Variants in SEZ6L observed in about 807,000 individuals in gnomAD.
SEZ6L encodes seizure related 6 homolog like, also known as seizure 6-like protein.
In SEZ6L, 37 loss-of-function variants were observed where a neutral mutation model predicts 106.2. The observed-to-expected ratio is 0.35, with a 90% CI of 0.27 to 0.46. The LOEUF is 0.46. SEZ6L is among the 20% of genes least tolerant of loss of function. SEZ6L has a pLI of 1.00. For missense variants in SEZ6L, 1,172 were observed against 1,332.8 expected (o/e 0.88, Z 1.88); for synonymous variants, 541 against 570.4 (o/e 0.95, Z 0.73).
intron 1 of SEZ6L, among the ~76,000 whole-genome samples, chr22:26,210,792 G>A (rs138765500): frequency 8.1e-4 from 124 of 152,210 alleles, no homozygotes; most frequent in African/African-American, 2.8e-3. Flanking sequence ...ATGCATTTTC[G>A]GGTTTGGCCT....
intron 1 of SEZ6L, among the ~76,000 whole-genome samples, chr22:26,285,280 A>T (rs2080900630): frequency 2.0e-5 from 3 of 152,234 alleles, no homozygotes; most frequent in Admixed American, 2.0e-4. Flanking sequence ...TGGATAAATG[A>T]AGTGATGATC....
chr22:26,344,164 A>G (rs1295457458), intron 10 of SEZ6L, among the ~76,000 whole-genome samples: 5 of 152,220 alleles, frequency 3.3e-5, no homozygotes, highest in Non-Finnish European at 7.3e-5. Flanking sequence ...GAAGGTGGCC[A>G]AAGTTTATCT....
chr22:26,215,933 A>T (rs1034734514), intron 1 of SEZ6L, among the ~76,000 whole-genome samples: 3 of 152,210 alleles, frequency 2.0e-5, no homozygotes, highest in Non-Finnish European at 4.4e-5. Flanking sequence ...CAAGGCACTG[A>T]ATCATCCCAG....
At chr22:26,259,964 T>C (rs181000499) in intron 1 of SEZ6L, among the ~76,000 whole-genome samples, 1 of 152,324 alleles carries the variant, frequency 6.6e-6, no homozygotes, top group Admixed American at 6.5e-5. Context: ...TGATTTTCCC[T>C]CTGGGAACTT....
At chr22:26,283,008 C>T (rs986737558) in intron 1 of SEZ6L, among the ~76,000 whole-genome samples, 1 of 152,136 alleles carries the variant, frequency 6.6e-6, no homozygotes, top group African/African-American at 2.4e-5. Flanking sequence ...GCAACCTCCA[C>T]CTCCCGGGTT....
At chr22:26,291,622 T>C (rs981622658) in intron 1 of SEZ6L, among the ~76,000 whole-genome samples, 3 of 151,746 alleles carry the variant, frequency 2.0e-5, no homozygotes, top group Non-Finnish European at 4.4e-5. Flanking sequence ...TTAAAAAAAC[T>C]CTCCTCCCCC....
At chr22:26,337,882 G>A (rs182040387) in intron 9 of SEZ6L, among the ~76,000 whole-genome samples, 146 of 152,326 alleles carry the variant, frequency 9.6e-4, no homozygotes, top group Non-Finnish European at 6.8e-4. Context: ...CGAGAGGTAT[G>A]GTGGAAGGTA....
rs375944877 is a variant in SEZ6L, at chr22:26,292,452, G to C, written c.141G>C (p.Leu47=). ...GDASPLGPYL[L]PSGAPERGSP... ...CTAGCCCTTTGGGTCCTTACCTCCT[G>C]CCCTCAGGAGCCCCGGAGAGAGGCA... The change falls in exon 2 of 17, where the codon CTG becomes CTC. Residue 47 remains leucine, a synonymous_variant. Transcript: ENST00000248933. 1 of 1,613,926 alleles carries C rather than the reference G, an allele frequency of 6.2e-7. No homozygotes were observed. The highest frequency in any genetic ancestry group is 8.5e-7 in the Non-Finnish European group (1 of 1,179,920).
chr22:26,343,766 T>C (rs113460254), intron 10 of SEZ6L, among the ~76,000 whole-genome samples: 3,621 of 152,288 alleles, frequency 0.024, 63 homozygotes, highest in Non-Finnish European at 0.037. Context: ...TTGGCTAGTT[T>C]GGGTAACAAA....
intron 1 of SEZ6L, among the ~76,000 whole-genome samples, chr22:26,245,825 T>C (rs906131533): frequency 1.3e-5 from 2 of 152,198 alleles, no homozygotes; most frequent in Non-Finnish European, 2.9e-5. Context: ...GTTGTTGTTG[T>C]TGCTGCTACT....
chr22:26,172,957 G>A (rs1414439657), intron 1 of SEZ6L, among the ~76,000 whole-genome samples: 1 of 152,190 alleles, frequency 6.6e-6, no homozygotes, highest in Non-Finnish European at 1.5e-5. Flanking sequence ...ACTGAACTGG[G>A]CACTGGAATT....
At position 26,249,212 on chromosome 22, in the gene SEZ6L, A is replaced by G. The variant is rs368766585; in HGVS notation, c.95-43194A>G. 1.5e-4 allele frequency among the ~76,000 whole-genome samples: 23 copies of G among 152,320 alleles called. No homozygotes were observed. In the South Asian group the frequency reaches 2.1e-3, roughly 14 times the overall value. On this transcript the variant is annotated intron_variant, in intron 1 of 16. Coordinates refer to ENST00000248933, the MANE Select transcript of SEZ6L (RefSeq NM_021115.5). Reference sequence around the variant, plus strand: ...CACTCTTCTAGCTATTTGAATATATACAATCAATTGTTAATTATAGTCACC... The same window carrying G: ...CACTCTTCTAGCTATTTGAATATATGCAATCAATTGTTAATTATAGTCACC...
At chr22:26,355,515 G>A (rs931655169) in intron 12 of SEZ6L, among the ~76,000 whole-genome samples, 12 of 152,174 alleles carry the variant, frequency 7.9e-5, no homozygotes, top group Admixed American at 2.0e-4. Context: ...GATCACTTGC[G>A]GTCAGGAGTT....
intron 4 of SEZ6L, among the ~76,000 whole-genome samples, chr22:26,297,755 CT>C (rs2081342188): frequency 6.6e-6 from 1 of 151,636 alleles, no homozygotes; most frequent in East Asian, 1.9e-4. Flanking sequence ...CTTCTCCTCC[CT>C]CTTTGCTTGC....
intron 1 of SEZ6L, among the ~76,000 whole-genome samples, chr22:26,270,423 G>A (rs1203882403): frequency 6.6e-6 from 1 of 151,716 alleles, no homozygotes; most frequent in Non-Finnish European, 1.5e-5. Context: ...AATTATCAGA[G>A]ATTTGGGGAA....
intron 1 of SEZ6L, among the ~76,000 whole-genome samples, chr22:26,177,363 A>G (rs1307709445): frequency 6.6e-6 from 1 of 152,234 alleles, no homozygotes; most frequent in Admixed American, 6.5e-5. Context: ...AGAGAAAAGA[A>G]AAAACCTTTG....
rs192568721 is a variant in SEZ6L at position 26,173,722 on chromosome 22, C to T, written c.94+3959C>T. 3.3e-5 allele frequency among the ~76,000 whole-genome samples: 5 copies of T among 152,272 alleles called. No homozygotes were observed. In the East Asian group the frequency reaches 9.7e-4, roughly 29 times the overall value. ...CTCACATTTCTGGAGGCTGGGAAGT[C>T]CAAGCTCAGGGCGCCAACAGACTCA... On this transcript the variant is annotated intron_variant, in intron 1 of 16. Coordinates refer to ENST00000248933, the MANE Select transcript of SEZ6L (RefSeq NM_021115.5).
intron 13 of SEZ6L, among the ~76,000 whole-genome samples, chr22:26,367,143 A>G (rs2083843870): frequency 6.6e-6 from 1 of 152,116 alleles, no homozygotes; most frequent in African/African-American, 2.4e-5. Context: ...AGGGGCTTGC[A>G]GTTACATTGA....
chr22:26,241,748 C>A (rs1224291706), intron 1 of SEZ6L, among the ~76,000 whole-genome samples: 1 of 151,798 alleles, frequency 6.6e-6, no homozygotes, highest in East Asian at 2.0e-4. Context: ...TTAAATATAG[C>A]TTTTGGGCTC....
Sources: allele counts gnomAD v4.1 joint callset (sites outside exome capture counted in the v4.1 genomes callset), GRCh38; gene constraint gnomAD v4.1.1; transcripts MANE v1.5; gene names NCBI Gene and HGNC (gene_info 2026-07-23, HGNC 2026-07-21).